Variants in TMEM132B observed in about 807,000 individuals in gnomAD.
TMEM132B encodes the protein transmembrane protein 132B.
Under a neutral mutation model 90.8 loss-of-function variants are expected in TMEM132B, and 18 were observed. The ratio of observed to expected loss-of-function variants is 0.20; its 90% CI spans 0.14 to 0.29. TMEM132B has a LOEUF of 0.29. Ranked by LOEUF, TMEM132B falls within the 10% of genes least tolerant of loss-of-function variation. The pLI is 1.00. For missense variants in TMEM132B, 1,096 were observed against 1,326.8 expected, an observed-to-expected ratio of 0.83 and a Z score of 2.70; for synonymous variants, 504 against 523.3, an observed-to-expected ratio of 0.96 and a Z score of 0.50.
intron 5 of TMEM132B, among the ~76,000 whole-genome samples, chr12:125,629,057 T>C (rs1384359310): frequency 6.6e-6 from 1 of 152,150 alleles, no homozygotes; most frequent in African/African-American, 2.4e-5. Context: ...TATAGCTCTG[T>C]AGTATAATTT....
At chr12:125,455,620 A>T (rs1359135710) in intron 3 of TMEM132B, among the ~76,000 whole-genome samples, 1 of 150,376 alleles carries the variant, frequency 6.6e-6, no homozygotes, top group East Asian at 1.9e-4. Flanking sequence ...GTTGGACCAG[A>T]TCATTTCTAC....
intron 4 of TMEM132B, among the ~76,000 whole-genome samples, chr12:125,576,054 A>G (rs1013878303): frequency 5.9e-5 from 9 of 152,078 alleles, no homozygotes; most frequent in Admixed American, 2.0e-4. Flanking sequence ...TTGAATCTAT[A>G]TATTTATTTG....
intron 4 of TMEM132B, among the ~76,000 whole-genome samples, chr12:125,562,012 G>A (rs1043290459): frequency 6.6e-6 from 1 of 152,148 alleles, no homozygotes; most frequent in African/African-American, 2.4e-5. Context: ...ATAAGAAGAT[G>A]GAAGTGTTTC....
At chr12:125,313,625 C>T (rs1432647406) in intron 1 of TMEM132B, among the ~76,000 whole-genome samples, 1 of 81,546 alleles carries the variant, frequency 1.2e-5, no homozygotes, top group African/African-American at 5.0e-5. Flanking sequence ...CTCCCCTCTC[C>T]TTTCCCCTCC....
intron 2 of TMEM132B, among the ~76,000 whole-genome samples, chr12:125,394,826 G>A (rs1879125740): frequency 6.6e-6 from 1 of 152,134 alleles, no homozygotes. Flanking sequence ...ACTTCCATGT[G>A]GGAGCTACAG....
chr12:125,511,752 T>C (rs1352324093), intron 3 of TMEM132B, among the ~76,000 whole-genome samples: 6 of 149,306 alleles, frequency 4.0e-5, no homozygotes, highest in African/African-American at 1.5e-4. Context: ...CTTGGGAGGC[T>C]GAGGCAGGAG....
At chr12:125,365,958 A>G (rs924947846) in intron 2 of TMEM132B, among the ~76,000 whole-genome samples, 9 of 151,844 alleles carry the variant, frequency 5.9e-5, no homozygotes, top group African/African-American at 1.9e-4. Flanking sequence ...TACTAAAACT[A>G]TTTCCTTCCA....
chr12:125,375,842 G>C (rs1302211928), intron 2 of TMEM132B, among the ~76,000 whole-genome samples: 1 of 152,206 alleles, frequency 6.6e-6, no homozygotes, highest in Non-Finnish European at 1.5e-5. Context: ...ATAGTTATCA[G>C]GTTCTGGAAT....
chr12:125,607,082 G>T (rs972850083), intron 5 of TMEM132B, among the ~76,000 whole-genome samples: 7 of 152,114 alleles, frequency 4.6e-5, no homozygotes, highest in Non-Finnish European at 7.4e-5. Flanking sequence ...GGTGAGCTCC[G>T]GTACAGCCTG....
intron 4 of TMEM132B, among the ~76,000 whole-genome samples, chr12:125,521,011 G>A (rs1221448878): frequency 6.6e-6 from 1 of 152,230 alleles, no homozygotes; most frequent in African/African-American, 2.4e-5. Flanking sequence ...AGATGGATGG[G>A]TGTGGGTTTT....
At chr12:125,565,368 G>C (rs538383200) in intron 4 of TMEM132B, among the ~76,000 whole-genome samples, 1 of 152,208 alleles carries the variant, frequency 6.6e-6, no homozygotes, top group Non-Finnish European at 1.5e-5. Context: ...TCTGGGCTCC[G>C]GCCCCACAGC....
Position 125,654,404 on chromosome 12 carries a change from G to A in TMEM132B, c.2946G>A (p.Gln982=), listed in dbSNP as rs555630324. Residue 982 remains glutamine (Q), a synonymous_variant, in exon 9 of 9, where the codon CAG becomes CAA. Coordinates refer to ENST00000682704, the MANE Select transcript of TMEM132B (RefSeq NM_001366854.1). The surrounding 1 kb of genome is among the most constrained non-coding windows in gnomAD (Gnocchi z 5.8). ...ECTTMIDRGL[Q]FEERNFLLNG... ...CAACCATGATAGACAGGGGCCTGCA[G>A]TTCGAGGAGAGGAACTTCCTTCTGA... The A allele has an allele frequency of 6.2e-7, 1 of 1,613,262 alleles. No individual in the cohort carries two copies. Among genetic ancestry groups the A allele is most frequent in the Non-Finnish European group, 8.5e-7 (1 of 1,180,028 alleles).
chr12:125,424,309 G>A (rs1260469009), intron 3 of TMEM132B, among the ~76,000 whole-genome samples: 1 of 152,176 alleles, frequency 6.6e-6, no homozygotes, highest in Non-Finnish European at 1.5e-5. Context: ...GGATGCTTTG[G>A]TGAGCTTGTC....
At chr12:125,521,027 G>A (rs756949217) in intron 4 of TMEM132B, among the ~76,000 whole-genome samples, 4 of 152,178 alleles carry the variant, frequency 2.6e-5, no homozygotes, top group Non-Finnish European at 5.9e-5. Context: ...GTTTTAAGGT[G>A]GAATGAAACT....
chr12:125,621,495 G>A (rs1886111084), intron 5 of TMEM132B, among the ~76,000 whole-genome samples: 1 of 152,118 alleles, frequency 6.6e-6, no homozygotes, highest in Non-Finnish European at 1.5e-5. Context: ...TCAAAACTCT[G>A]CTAAGGTATG....
chr12:125,589,400 T>A (rs564278718), intron 5 of TMEM132B, among the ~76,000 whole-genome samples: 38 of 141,722 alleles, frequency 2.7e-4, no homozygotes, highest in Admixed American at 1.1e-3. Flanking sequence ...GAGAATGGCG[T>A]GAACCCGGGA....
chr12:125,401,415 A>G (rs73424793), intron 2 of TMEM132B, among the ~76,000 whole-genome samples: 3,205 of 152,290 alleles, frequency 0.021, 122 homozygotes, highest in African/African-American at 0.067. Context: ...GCAGGAGACC[A>G]GGGATAGAAG....
At chr12:125,418,001 G>C (rs1265003381) in intron 3 of TMEM132B, among the ~76,000 whole-genome samples, 1 of 152,194 alleles carries the variant, frequency 6.6e-6, no homozygotes, top group Non-Finnish European at 1.5e-5. Context: ...AGGAGATGGA[G>C]TGGGCGCCAC....
At chr12:125,300,222 G>T (rs1396706597) in intron 1 of TMEM132B, among the ~76,000 whole-genome samples, 2 of 151,984 alleles carry the variant, frequency 1.3e-5, no homozygotes, top group Non-Finnish European at 2.9e-5. Context: ...TACATGTAGA[G>T]ATAAGGTCTC....
Sources: gnomAD v4.1 joint callset for allele counts (sites outside exome capture counted in the v4.1 genomes callset) on GRCh38, gnomAD v4.1.1 for gene constraint, Gnocchi (gnomAD v3.1) non-coding constraint, MANE v1.5 for transcripts, NCBI Gene and HGNC (gene_info 2026-07-23, HGNC 2026-07-21) for gene names.